MFAP1: variants seen among roughly 807,000 people sequenced by gnomAD.
The protein encoded by MFAP1 is microfibrillar-associated protein 1.
MFAP1 carries 18 observed loss-of-function variants against 62.2 expected under a neutral mutation model. The observed-to-expected ratio is 0.29, with a 90% confidence interval of 0.20 to 0.43. The LOEUF is 0.43. Among genes scored for constraint, MFAP1 ranks in the 20% least tolerant of loss-of-function variants. MFAP1 has a pLI of 1.00. For missense variants in MFAP1, 355 were observed against 559.7 expected (o/e 0.63, Z 3.69); for synonymous variants, 175 against 180.4 (o/e 0.97, Z 0.24).
At chr15:43,816,639 A>G (rs746918312) in intron 2 of MFAP1, among the ~76,000 whole-genome samples, 2 of 152,136 alleles carry the variant, frequency 1.3e-5, no homozygotes, top group Non-Finnish European at 2.9e-5. Context: ...AAATAAACAG[A>G]ACTGTTTTGG....
Position 43,815,943 on chromosome 15 carries a change from A to G in MFAP1, c.300-869T>C, listed in dbSNP as rs1266990080. On this transcript the variant is annotated intron_variant, in intron 2 of 8. Coordinates refer to ENST00000267812, the MANE Select transcript of MFAP1 (RefSeq NM_005926.3). ...GTCACTGAGCCTGGCCTGCATTGGA[A>G]TATTTTTAATAGCTCAAGATAATTC... 2.6e-5 allele frequency among the ~76,000 whole-genome samples: 4 copies of G among 152,284 alleles called. No homozygotes were observed. In the East Asian group the frequency reaches 5.8e-4, roughly 22 times the overall value.
In MFAP1 at chr15:43,823,393, T is replaced by G. The variant is rs184143331; in HGVS notation, c.79+1098A>C. ...ATTGCAGAACTTTCTTTTTTTTTTT[T>G]TGAGAGAGTGTCTCACACTGTGGCC... On this transcript the variant is annotated intron_variant, in intron 1 of 8. Transcript: ENST00000267812. 3.5e-3 allele frequency among the ~76,000 whole-genome samples: 532 copies of G among 152,006 alleles called. 16 individuals are homozygous for G. In the East Asian group the frequency reaches 0.075, roughly 21 times the overall value.
Position 43,817,998 on chromosome 15 carries a change from A to T in MFAP1, c.80-550T>A, listed in dbSNP as rs147024200. On this transcript the variant is annotated intron_variant, in intron 1 of 8. Coordinates refer to ENST00000267812, the MANE Select transcript of MFAP1 (RefSeq NM_005926.3). ...TGTTATCAAACATGCAAGAGTATGT[A>T]ATCTCTTACAAATACAATTCTTTTT... Among the ~76,000 whole-genome samples, 18 of 151,832 alleles carry T rather than the reference A, an allele frequency of 1.2e-4. No individual in the cohort carries two copies. The South Asian group carries it at 3.7e-3, about 32-fold the overall frequency.
At chr15:43,814,409 T>TTTCAGAATAGCAAGACAGAA in intron 4 of MFAP1, 92 bp downstream of exon 4, 1 of 1,420,862 alleles carries the variant, frequency 7.0e-7, no homozygotes, top group Non-Finnish European at 9.5e-7. Flanking sequence ...AGCGTTTAGA[T>TTTCAGAATAGCAAGACAGAA]TTCAGAATAG....
intron 7 of MFAP1, among the ~76,000 whole-genome samples, chr15:43,807,443 G>C (rs1250601480): frequency 6.6e-6 from 1 of 151,164 alleles, no homozygotes; most frequent in Non-Finnish European, 1.5e-5. Flanking sequence ...CCGCCTCCCA[G>C]GTTCACGCCA....
chr15:43,812,132 G>C (rs2087405239), intron 6 of MFAP1, among the ~76,000 whole-genome samples: 1 of 151,610 alleles, frequency 6.6e-6, no homozygotes, highest in African/African-American at 2.4e-5. Context: ...GGAGGCTGCA[G>C]TGAGCTGAGA....
intron 2 of MFAP1, 23 bp from the exon 3 acceptor site, chr15:43,815,097 G>C: frequency 6.2e-7 from 1 of 1,613,290 alleles, no homozygotes; most frequent in African/African-American, 1.3e-5. Context: ...ATCTCCAAAT[G>C]TAACACCAAT....
rs1171487551 is a variant in MFAP1, at chr15:43,814,676, G to A, written c.442C>T (p.Arg148Trp). ...EEIDDEEIERRRGMMRQRAQE... is the reference protein window; with the variant it reads ...EEIDDEEIERWRGMMRQRAQE... ...GCTCGCTGACGCATCATGCCACGCC[G>A]CCGCTCTATTTCCTATCAAGTCATA... Residue 148 changes from arginine to tryptophan, a missense_variant, in exon 4 of 9, where the codon CGG (arginine) becomes TGG (tryptophan). Physicochemically the swap from Arg to Trp is moderately radical, Grantham distance 101. This residue lies in a region of MFAP1 where 257 missense variants were observed against 341.3 expected (regional missense o/e 0.75). Transcript: ENST00000267812. 1.2e-6 allele frequency: 2 copies of A among 1,613,644 alleles called. No homozygotes were observed. The highest frequency in any genetic ancestry group is 1.7e-4 in the Middle Eastern group (1 of 6,058).
intron 7 of MFAP1, among the ~76,000 whole-genome samples, chr15:43,807,744 C>T (rs776116549): frequency 6.6e-6 from 1 of 152,218 alleles, no homozygotes; most frequent in African/African-American, 2.4e-5. Context: ...AGAACCCCTA[C>T]AGTACTTTAC....
chr15:43,805,159 G>T lies in MFAP1; in HGVS notation c.1255C>A (p.Gln419Lys). The change falls in exon 9 of 9, where the codon CAA (glutamine) becomes AAA (lysine). Residue 419 changes from glutamine (Q) to lysine (K), a missense_variant. Around this residue, in one of 6 missense-constraint regions of MFAP1, gnomAD observed 44 missense variants for 80.8 expected, o/e 0.54. Transcript: ENST00000267812. Reference protein sequence around the residue: ...ESAQNTKFFKQKAAGVRDVFE... With the variant: ...ESAQNTKFFKKKAAGVRDVFE... Reference sequence around the variant, plus strand: ...ACATCTCGTACCCCAGCTGCCTTTTGTTTGAAGAACTTTGTGTTCTGGGCA... The same window carrying T: ...ACATCTCGTACCCCAGCTGCCTTTTTTTTGAAGAACTTTGTGTTCTGGGCA... 6.2e-7 allele frequency: 1 copy of T among 1,602,816 alleles called. No individual in the cohort carries two copies. The highest frequency in any genetic ancestry group is 8.5e-7 in the Non-Finnish European group (1 of 1,170,482).
chr15:43,820,055 G>A (rs2087458084), intron 1 of MFAP1, among the ~76,000 whole-genome samples: 1 of 152,218 alleles, frequency 6.6e-6, no homozygotes, highest in African/African-American at 2.4e-5. Flanking sequence ...GGCTGAGGCA[G>A]GAGAATGGCG....
chr15:43,817,022 G>C (rs1273591832), intron 2 of MFAP1, among the ~76,000 whole-genome samples: 1 of 152,154 alleles, frequency 6.6e-6, no homozygotes, highest in Admixed American at 6.6e-5. Context: ...TGTAGCTTTG[G>C]TCATGTAACT....
At chr15:43,813,443 C>T (rs556806390) in intron 4 of MFAP1, 86 bp from the exon 5 acceptor site, 1 of 1,210,654 alleles carries the variant, frequency 8.3e-7, no homozygotes. Context: ...CCAAATCAGA[C>T]AAAAACCAAA....
chr15:43,808,231 A>C (rs2087377719), intron 7 of MFAP1, among the ~76,000 whole-genome samples: 1 of 152,250 alleles, frequency 6.6e-6, no homozygotes, highest in Admixed American at 6.5e-5. Flanking sequence ...TTTGAGACAA[A>C]GTCTTGGTCA....
chr15:43,815,331 C>A (rs576840434), intron 2 of MFAP1, among the ~76,000 whole-genome samples: 24 of 152,160 alleles, frequency 1.6e-4, no homozygotes, highest in African/African-American at 5.8e-4. Flanking sequence ...AGGCGTGCCA[C>A]CACACCTGGC....
At chr15:43,823,084 G>C (rs1321929670) in intron 1 of MFAP1, among the ~76,000 whole-genome samples, 1 of 151,388 alleles carries the variant, frequency 6.6e-6, no homozygotes, top group Admixed American at 6.6e-5. Flanking sequence ...TGATCCACCA[G>C]CCTCAGCCTC....
chr15:43,809,332 AT>A (rs2087383831), intron 7 of MFAP1, among the ~76,000 whole-genome samples: 2 of 150,594 alleles, frequency 1.3e-5, no homozygotes, highest in Admixed American at 6.7e-5. Context: ...TAAAAAAAAA[AT>A]AACCAAAAAA....
intron 1 of MFAP1, among the ~76,000 whole-genome samples, chr15:43,821,725 C>T (rs961407003): frequency 5.3e-5 from 8 of 152,238 alleles, no homozygotes; most frequent in Non-Finnish European, 8.8e-5. Context: ...TATTTACATT[C>T]CCTACTGGAC....
intron 7 of MFAP1, 87 bp from the exon 8 acceptor site, chr15:43,805,552 C>G (rs2087357290): frequency 1.0e-6 from 1 of 1,000,682 alleles, no homozygotes; most frequent in Non-Finnish European, 1.5e-6. Flanking sequence ...ATAAGGGATA[C>G]AGAGAAAGCA....
Sources: gnomAD v4.1 joint callset for allele counts (sites outside exome capture counted in the v4.1 genomes callset) on GRCh38, gnomAD v4.1.1 for gene constraint, gnomAD v4.1.1 regional missense constraint, MANE v1.5 for transcripts, NCBI Gene and HGNC (gene_info 2026-07-23, HGNC 2026-07-21) for gene names.